Variants in CARMIL1 observed in about 807,000 individuals in gnomAD.
CARMIL1 encodes the protein F-actin-uncapping protein LRRC16A.
Under a neutral mutation model 177.1 loss-of-function variants are expected in CARMIL1, and 90 were observed. That is an observed-to-expected ratio of 0.51 (90% CI 0.43 to 0.61). The LOEUF (loss-of-function observed/expected upper bound fraction) is 0.61. Among genes scored for constraint, CARMIL1 ranks in the 20% least tolerant of loss-of-function variants. The pLI is 0.00. For missense variants in CARMIL1, 1,380 were observed against 1,667.0 expected, an observed-to-expected ratio of 0.83 and a Z score of 3.00; for synonymous variants, 577 against 606.2, an observed-to-expected ratio of 0.95 and a Z score of 0.71.
chr6:25,293,265 G>GGTGTGTGTGTGTGT (rs57127326), intron 2 of CARMIL1, among the ~76,000 whole-genome samples: 5,136 of 134,176 alleles, frequency 0.038, 162 homozygotes, highest in Admixed American at 0.065. Context: ...AAGGATGCTT[G>GGTGTGTGTGTGTGT]GTGTGTGTGT....
At chr6:25,542,662 A>G (rs1174231002) in intron 26 of CARMIL1, among the ~76,000 whole-genome samples, 1 of 152,116 alleles carries the variant, frequency 6.6e-6, no homozygotes, top group Non-Finnish European at 1.5e-5. Context: ...AAAATCCTCA[A>G]CTAAAACGTC....
Position 25,472,411 on chromosome 6 carries a change from T to C in CARMIL1, c.780-16T>C. 1.3e-6 allele frequency: 2 copies of C among 1,520,074 alleles called. No homozygotes were observed. Among genetic ancestry groups the C allele is most frequent in the Non-Finnish European group, 1.8e-6 (2 of 1,115,782 alleles). The allele number at this position is 1,520,074 out of a possible 1,614,324, so 94.2% of individuals were successfully genotyped here. ...TACATTTTGTTATTTAATCTTATTG[T>C]TTTGTTTACACGCAGAGATTTTGCA... On this transcript the variant is annotated splice_polypyrimidine_tract_variant and intron_variant, in intron 10 of 36. Coordinates refer to ENST00000329474, the MANE Select transcript of CARMIL1 (RefSeq NM_017640.6).
At chr6:25,315,161 G>A (rs1784169431) in intron 2 of CARMIL1, among the ~76,000 whole-genome samples, 2 of 152,190 alleles carry the variant, frequency 1.3e-5, no homozygotes, top group Admixed American at 6.5e-5. Context: ...CAGAACATGA[G>A]AGGCAGAGTG....
At chr6:25,566,049 C>T (rs1005247830) in intron 29 of CARMIL1, among the ~76,000 whole-genome samples, 4 of 152,138 alleles carry the variant, frequency 2.6e-5, no homozygotes, top group African/African-American at 9.7e-5. Flanking sequence ...ACCTGTCAGC[C>T]TCAATCTCTC....
chr6:25,520,348 A>C lies in CARMIL1; in HGVS notation c.1968+11A>C, dbSNP rs1204856074. On this transcript the variant is annotated intron_variant, in intron 23 of 36. Coordinates refer to ENST00000329474, the MANE Select transcript of CARMIL1 (RefSeq NM_017640.6). ...GACGCTCTGCAAAAGGTATTAAAGA[A>C]TCAGTAGCTTAATTACAAGAAATTC... 7.0e-7 allele frequency: 1 copy of C among 1,422,480 alleles called. No individual in the cohort carries two copies. The highest frequency in any genetic ancestry group is 2.5e-5 in the East Asian group (1 of 40,602). 88.1% of individuals were successfully genotyped at this position (1,422,480 alleles called of 1,614,324 possible).
chr6:25,389,259 T>C (rs1792497836), intron 2 of CARMIL1: 1 of 152,158 alleles, frequency 6.6e-6, no homozygotes, highest in Non-Finnish European at 1.5e-5. Flanking sequence ...TTCAAAAGAA[T>C]CTTTCAGCTT....
chr6:25,282,901 T>C (rs901895877), intron 1 of CARMIL1, among the ~76,000 whole-genome samples: 22 of 152,210 alleles, frequency 1.4e-4, no homozygotes, highest in Non-Finnish European at 2.2e-4. Context: ...GCAAAGACCA[T>C]CTCTATCTAG....
At chr6:25,409,731 C>T (rs1794741439) in intron 2 of CARMIL1, among the ~76,000 whole-genome samples, 1 of 152,162 alleles carries the variant, frequency 6.6e-6, no homozygotes, top group South Asian at 2.1e-4. Context: ...CACACACACA[C>T]ATTTGCATGC....
At chr6:25,531,397 A>T (rs1185134857) in intron 24 of CARMIL1, among the ~76,000 whole-genome samples, 1 of 152,208 alleles carries the variant, frequency 6.6e-6, no homozygotes, top group Middle Eastern at 3.2e-3. Context: ...ACTATGGGTG[A>T]CTGTATAGAT....
At chr6:25,411,394 G>T (rs140772193) in intron 2 of CARMIL1, among the ~76,000 whole-genome samples, 65 of 152,240 alleles carry the variant, frequency 4.3e-4, no homozygotes, top group African/African-American at 1.5e-3. Context: ...ATGTTAGTGT[G>T]TCACTGCTAA....
At chr6:25,472,216 C>T (rs1405088932) in intron 10 of CARMIL1, among the ~76,000 whole-genome samples, 2 of 151,348 alleles carry the variant, frequency 1.3e-5, no homozygotes, top group Non-Finnish European at 2.9e-5. Context: ...TTTCTTTTTG[C>T]TTTTGGCCAA....
intron 2 of CARMIL1, among the ~76,000 whole-genome samples, chr6:25,321,697 T>C (rs7741111): frequency 0.72 from 109,057 of 151,520 alleles, 40,067 homozygotes; most frequent in African/African-American, 0.88. Flanking sequence ...GTCTTGCTGT[T>C]GCCCAGGCTG....
At chr6:25,446,146 G>A (rs1029862733) in intron 5 of CARMIL1, among the ~76,000 whole-genome samples, 11 of 152,272 alleles carry the variant, frequency 7.2e-5, no homozygotes, top group African/African-American at 2.4e-4. Flanking sequence ...TGGAACATCA[G>A]CACTGATTGG....
In CARMIL1 at chr6:25,541,538, C is replaced by T. The variant is rs548026211; in HGVS notation, c.2328+1460C>T. 3.1e-3 allele frequency among the ~76,000 whole-genome samples: 466 copies of T among 152,308 alleles called. 7 individuals are homozygous for T. Among genetic ancestry groups the T allele is most frequent in the South Asian group, 0.031 (147 of 4,818 alleles). ...ATAGTATTATACTTTCATATGGATT[C>T]ACACACTGCTATTCACTAGTGCGAG... On this transcript the variant is annotated intron_variant, in intron 26 of 36. Coordinates refer to ENST00000329474, the MANE Select transcript of CARMIL1 (RefSeq NM_017640.6).
chr6:25,366,796 T>C (rs1562042477), intron 2 of CARMIL1, among the ~76,000 whole-genome samples: 1 of 152,166 alleles, frequency 6.6e-6, no homozygotes, highest in Non-Finnish European at 1.5e-5. Context: ...AAAATGGTTG[T>C]GTCAGTTTAA....
At chr6:25,418,562 A>AG (rs58070303) in intron 2 of CARMIL1, among the ~76,000 whole-genome samples, 1 of 151,094 alleles carries the variant, frequency 6.6e-6, no homozygotes, top group East Asian at 1.9e-4. Context: ...AAAAAAAAAA[A>AG]GATAAATTCC....
intron 23 of CARMIL1, 59 bp downstream of exon 23, chr6:25,520,396 C>A: frequency 1.1e-6 from 1 of 923,060 alleles, no homozygotes; most frequent in South Asian, 1.6e-5. Context: ...TGGTTATGTT[C>A]CTGAACTTAT....
At chr6:25,420,239 C>G (rs1795733264) in intron 3 of CARMIL1, 75 bp downstream of exon 3, 1 of 1,332,148 alleles carries the variant, frequency 7.5e-7, no homozygotes, top group East Asian at 2.3e-5. Flanking sequence ...CTCATGCATT[C>G]TTACATGTGT....
chr6:25,350,532 GCCTGGGTT>G (rs1788009173), intron 2 of CARMIL1: 1 of 152,146 alleles, frequency 6.6e-6, no homozygotes, highest in African/African-American at 2.4e-5. Context: ...TTTGGGGCCC[GCCTGGGTT>G]CCTGTGGGCA....
Sources: allele counts gnomAD v4.1 joint callset (sites outside exome capture counted in the v4.1 genomes callset), GRCh38; gene constraint gnomAD v4.1.1; transcripts MANE v1.5; gene names NCBI Gene and HGNC (gene_info 2026-07-23, HGNC 2026-07-21).